The following ACOT12 variants were observed in gnomAD, a reference collection of about 807,000 sequenced individuals.
The protein encoded by ACOT12 is acetyl-coenzyme A thioesterase.
Under a neutral mutation model 67.7 loss-of-function variants are expected in ACOT12, and 51 were observed. The observed-to-expected ratio is 0.75, with a 90% CI of 0.60 to 0.95. The LOEUF (loss-of-function observed/expected upper bound fraction) is 0.95. Among genes scored for constraint, ACOT12 ranks in the 40% least tolerant of loss-of-function variants. ACOT12 has a pLI of 0.00. For missense variants in ACOT12, 734 were observed against 708.1 expected (o/e 1.04, Z -0.41); for synonymous variants, 251 against 244.6 (o/e 1.03, Z -0.24).
chr5:81,389,646 C>A (rs960308567), intron 1 of ACOT12, among the ~76,000 whole-genome samples: 6 of 152,224 alleles, frequency 3.9e-5, no homozygotes, highest in Non-Finnish European at 8.8e-5. Context: ...TCCTGCTCAG[C>A]CTCCTGAGTA....
chr5:81,337,255 G>A (rs116040203), intron 11 of ACOT12, among the ~76,000 whole-genome samples: 1,760 of 152,330 alleles, frequency 0.012, 34 homozygotes, highest in African/African-American at 0.041. Context: ...AGGGCAGGTG[G>A]CCAGGGTGAA....
chr5:81,344,356 C>G, intron 8 of ACOT12, 141 bp from the exon 9 acceptor site: 2 of 767,598 alleles, frequency 2.6e-6, no homozygotes, highest in Non-Finnish European at 4.0e-6. Flanking sequence ...CTGACTTCAT[C>G]AAGTCAGAGT....
rs1235176384 is a variant in ACOT12, at chr5:81,371,813, A to AG, written c.198-4dup. 9.3e-6 allele frequency: 15 copies of AG among 1,613,780 alleles called. No individual in the cohort carries two copies. Among genetic ancestry groups the AG allele is most frequent in the South Asian group, 1.1e-5 (1 of 91,076 alleles). ...TGATGGTTATAACTTGTCCAACTCT[A>AG]GGGAAAAACAAACAAAAAAACCTCA... On this transcript the variant is annotated splice_region_variant and splice_polypyrimidine_tract_variant and intron_variant, in intron 2 of 14. Transcript: ENST00000307624.
In ACOT12 at chr5:81,342,715, A is replaced by G. The variant is rs1337980346; in HGVS notation, c.1085T>C (p.Leu362Pro). The G allele has an allele frequency of 1.2e-6, 2 of 1,614,162 alleles. No individual in the cohort carries two copies. Among genetic ancestry groups the G allele is most frequent in the South Asian group, 1.1e-5 (1 of 91,086 alleles). Residue 362 changes from leucine to proline, a missense_variant, in exon 11 of 15, where the codon CTG becomes CCG. Coordinates refer to ENST00000307624, the MANE Select transcript of ACOT12 (RefSeq NM_130767.3). ...AACCTCCCAACCCCTTTTGGCTGCCAGTTTTTTGAGGGCCTCCACATTGCT... is the reference window on the plus strand; with the variant it reads ...AACCTCCCAACCCCTTTTGGCTGCCGGTTTTTTGAGGGCCTCCACATTGCT... ...SDSNVEALKK[L>P]AAKRGWEVTS...
At chr5:81,390,051 C>G (rs1194318894) in intron 1 of ACOT12, among the ~76,000 whole-genome samples, 2 of 149,098 alleles carry the variant, frequency 1.3e-5, no homozygotes, top group African/African-American at 5.0e-5. Context: ...ACCTCCCAGG[C>G]TCAAGTCATC....
chr5:81,341,824 T>C (rs1759202085), intron 11 of ACOT12, among the ~76,000 whole-genome samples: 2 of 152,180 alleles, frequency 1.3e-5, no homozygotes, highest in Admixed American at 1.3e-4. Flanking sequence ...CTAAGAGAGA[T>C]ACAAAGAAGT....
In ACOT12 at chr5:81,385,763, G is replaced by C. The variant is rs1760709403; in HGVS notation, c.191C>G (p.Thr64Arg). ...ASVDDIQFEETARVGQVITIK... is the reference protein window; with the variant it reads ...ASVDDIQFEERARVGQVITIK... ...ATGGAGCAATGTCACTTACCTAGCT[G>C]TCTCCTCAAACTGTATGTCATCCAC... The change falls in exon 2 of 15, where the codon ACA (threonine) becomes AGA (arginine). Residue 64 changes from threonine to arginine, a missense_variant. Transcript: ENST00000307624. 2 of 1,614,050 alleles carry C rather than the reference G, an allele frequency of 1.2e-6. No homozygotes were observed. The highest frequency in any genetic ancestry group is 2.2e-5 in the East Asian group (1 of 44,876).
chr5:81,332,453 A>G, intron 13 of ACOT12, 24 bp downstream of exon 13: 2 of 1,612,116 alleles, frequency 1.2e-6, no homozygotes, highest in Non-Finnish European at 1.7e-6. Context: ...ATATTAATAG[A>G]ACACTTGGAC....
At chr5:81,351,408 A>G (rs542408965) in intron 5 of ACOT12, among the ~76,000 whole-genome samples, 3 of 152,346 alleles carry the variant, frequency 2.0e-5, no homozygotes, top group Admixed American at 2.0e-4. Context: ...AAACAGACAC[A>G]TAGACCAATG....
intron 3 of ACOT12, among the ~76,000 whole-genome samples, chr5:81,364,301 A>G: frequency 6.6e-6 from 1 of 151,378 alleles, no homozygotes; most frequent in South Asian, 2.1e-4. Context: ...ATACATACAC[A>G]TATATAATAT....
rs58495464 is a variant in ACOT12 at position 81,350,257 on chromosome 5, A to G, written c.497-2327T>C. 8.0e-3 allele frequency among the ~76,000 whole-genome samples: 1,217 copies of G among 152,176 alleles called. 12 individuals carry two copies. Among genetic ancestry groups the G allele is most frequent in the African/African-American group, 0.028 (1,154 of 41,528 alleles). On this transcript the variant is annotated intron_variant, in intron 5 of 14. Transcript: ENST00000307624. The stretch of plus-strand genomic sequence containing the variant: ...CCTTGTCTTATCTGCTGTTTCATTC[A>G]TTCACTGAGTTTCAAATTTTAATTA...
In ACOT12 at chr5:81,359,958, T is replaced by C; in HGVS notation, c.441A>G (p.Arg147=). ...HNLAAERRKV[R]LQHEDTFNNL... Reference sequence around the variant, plus strand: ...TGTTAAAGGTATCTTCATGTTGTAATCGAACTTTCCTTCTCTCAGCAGCCA... The same window carrying C: ...TGTTAAAGGTATCTTCATGTTGTAACCGAACTTTCCTTCTCTCAGCAGCCA... The change falls in exon 5 of 15, where the codon CGA becomes CGG. Residue 147 remains arginine (R), a synonymous_variant. Transcript: ENST00000307624. 1 of 1,612,858 alleles carries C rather than the reference T, an allele frequency of 6.2e-7. No homozygotes were observed. Among genetic ancestry groups the C allele is most frequent in the South Asian group, 1.1e-5 (1 of 90,676 alleles).
At chr5:81,333,248 C>T (rs1758889261) in intron 12 of ACOT12, among the ~76,000 whole-genome samples, 1 of 152,104 alleles carries the variant, frequency 6.6e-6, no homozygotes, top group Admixed American at 6.5e-5. Context: ...CAAGTAAAAA[C>T]ATTGTGAGGA....
chr5:81,336,138 A>G (rs1373680582), intron 11 of ACOT12, among the ~76,000 whole-genome samples: 13 of 151,970 alleles, frequency 8.6e-5, no homozygotes, highest in Non-Finnish European at 5.9e-5. Flanking sequence ...GGGCTATTTA[A>G]TTATTGCACA....
downstream of ACOT12, among the ~76,000 whole-genome samples, chr5:81,328,956 T>G (rs1758739856): frequency 1.3e-5 from 2 of 152,190 alleles, no homozygotes; most frequent in South Asian, 4.1e-4. Flanking sequence ...GTGGGAGAAT[T>G]GATTTTTGAA....
chr5:81,360,483 A>G (rs1759872414), intron 4 of ACOT12, among the ~76,000 whole-genome samples: 1 of 152,250 alleles, frequency 6.6e-6, no homozygotes, highest in Admixed American at 6.5e-5. Context: ...AGAGAAAGTT[A>G]TCTTATACCA....
At chr5:81,384,811 T>G (rs1038209618) in intron 2 of ACOT12, among the ~76,000 whole-genome samples, 2 of 151,990 alleles carry the variant, frequency 1.3e-5, no homozygotes, top group African/African-American at 4.8e-5. Flanking sequence ...TGTGGAGAGG[T>G]ATTGATAAAG....
chr5:81,383,753 A>C (rs1760652784), intron 2 of ACOT12, among the ~76,000 whole-genome samples: 1 of 152,070 alleles, frequency 6.6e-6, no homozygotes, highest in Non-Finnish European at 1.5e-5. Context: ...AAAAATAACA[A>C]ATTTTAAAAA....
downstream of ACOT12, among the ~76,000 whole-genome samples, chr5:81,329,501 G>C (rs1270270575): frequency 1.3e-5 from 2 of 152,134 alleles, no homozygotes; most frequent in East Asian, 3.9e-4. Context: ...GGTTGGTAGG[G>C]GGAGCAGAGG....
Sources: gnomAD v4.1 joint callset for allele counts (sites outside exome capture counted in the v4.1 genomes callset) on GRCh38, gnomAD v4.1.1 for gene constraint, MANE v1.5 for transcripts, NCBI Gene and HGNC (gene_info 2026-07-23, HGNC 2026-07-21) for gene names.